ITGB1: variants seen among roughly 807,000 people sequenced by gnomAD.
The protein encoded by ITGB1 is integrin beta-1.
ITGB1 carries 24 observed loss-of-function variants against 86.5 expected under a neutral mutation model. That is an observed-to-expected ratio of 0.28 (90% confidence interval 0.20 to 0.39). The LOEUF (loss-of-function observed/expected upper bound fraction) is 0.39, where lower values mean the gene tolerates loss of function less well. Among genes scored for constraint, ITGB1 ranks in the 10% least tolerant of loss-of-function variants. The pLI, the probability that ITGB1 is intolerant of heterozygous loss-of-function variation, is 1.00. For missense variants in ITGB1, 556 were observed against 946.9 expected (o/e 0.59, Z 5.42); for synonymous variants, 323 against 316.8 (o/e 1.02, Z -0.21).
At chr10:32,927,915 G>A (rs1357680840) in intron 5 of ITGB1, among the ~76,000 whole-genome samples, 179 bp downstream of exon 5, 1 of 152,200 alleles carries the variant, frequency 6.6e-6, no homozygotes, top group Non-Finnish European at 1.5e-5. Flanking sequence ...GGAACAAGGT[G>A]GCAGAAAAGA....
chr10:32,957,077 G>C (rs2095053833), intron 1 of ITGB1, among the ~76,000 whole-genome samples: 1 of 152,144 alleles, frequency 6.6e-6, no homozygotes, highest in Non-Finnish European at 1.5e-5. Flanking sequence ...AATCTCATTA[G>C]AGCGGTTCCA....
chr10:32,901,313 G>A lies in ITGB1; in HGVS notation c.*257C>T, dbSNP rs186026916. 946 of 371,720 alleles carry A rather than the reference G, an allele frequency of 2.5e-3. 1 individual carries two copies. Among genetic ancestry groups the A allele is most frequent in the Non-Finnish European group, 3.6e-3 (742 of 205,984 alleles). The allele number at this position is 371,720 out of a possible 1,614,324, so 23.0% of individuals were successfully genotyped here. A position where few individuals can be genotyped will look rare whatever the true frequency, so the allele number is the denominator to read the frequency against. The stretch of plus-strand genomic sequence containing the variant: ...AATAAGCTTGATTTCAATAGTCCAG[G>A]AAGAAAAGGTCAAAAAGGCACAATG... On this transcript the variant is annotated 3_prime_UTR_variant, in exon 16 of 16. Coordinates refer to ENST00000302278, the MANE Select transcript of ITGB1 (RefSeq NM_002211.4).
At chr10:32,905,873 G>C (rs894582244) in intron 15 of ITGB1, among the ~76,000 whole-genome samples, 5 of 152,184 alleles carry the variant, frequency 3.3e-5, no homozygotes, top group Non-Finnish European at 5.9e-5. Context: ...AGTTGGGAAA[G>C]AGAAGAAGAG....
Position 32,929,328 on chromosome 10 carries a change from G to A in ITGB1, c.376+494C>T, listed in dbSNP as rs1282508860. Among the ~76,000 whole-genome samples, 3 of 152,170 alleles carry A rather than the reference G, an allele frequency of 2.0e-5. No homozygotes were observed. In the East Asian group the frequency reaches 5.8e-4, roughly 29 times the overall value. On this transcript the variant is annotated intron_variant, in intron 4 of 15. Transcript: ENST00000302278. ...GGAGGGGCCGGGAGGGAAGTCAGGG[G>A]ACAGGGCCACTCTACCATTCTCCTG...
At chr10:32,935,735 C>T (rs2094999442) in intron 1 of ITGB1, among the ~76,000 whole-genome samples, 177 bp from the exon 2 acceptor site, 1 of 152,126 alleles carries the variant, frequency 6.6e-6, no homozygotes, top group Non-Finnish European at 1.5e-5. Context: ...CTATCTGGTT[C>T]CCTCACCTTG....
intron 11 of ITGB1, among the ~76,000 whole-genome samples, chr10:32,917,329 A>T (rs1029207746): frequency 9.8e-5 from 15 of 152,378 alleles, no homozygotes; most frequent in African/African-American, 3.6e-4. Context: ...AACAAAAGCC[A>T]AAATTGACAA....
At chr10:32,915,862 G>A (rs1435985758) in intron 11 of ITGB1, among the ~76,000 whole-genome samples, 5 of 151,884 alleles carry the variant, frequency 3.3e-5, no homozygotes, top group African/African-American at 1.2e-4. Flanking sequence ...ACACAACAAA[G>A]AAAGAGAATT....
At chr10:32,951,384 T>TAA (rs937798999) in intron 1 of ITGB1, among the ~76,000 whole-genome samples, 3 of 151,512 alleles carry the variant, frequency 2.0e-5, no homozygotes, top group Admixed American at 2.0e-4. Context: ...GGTGATCTCA[T>TAA]AAACAGACAA....
chr10:32,913,730 G>A (rs2094921756), intron 11 of ITGB1, among the ~76,000 whole-genome samples: 1 of 152,190 alleles, frequency 6.6e-6, no homozygotes, highest in Non-Finnish European at 1.5e-5. Flanking sequence ...GAACCAAGTT[G>A]GAAAACATTT....
Position 32,929,862 on chromosome 10 carries a change from A to G in ITGB1, c.336T>C (p.Thr112=). 1 of 1,613,254 alleles carries G rather than the reference A, an allele frequency of 6.2e-7. No individual in the cohort carries two copies. Among genetic ancestry groups the G allele is most frequent in the Non-Finnish European group, 8.5e-7 (1 of 1,179,220 alleles). Residue 112 remains threonine, a synonymous_variant, in exon 4 of 16, where the codon ACT becomes ACC. Coordinates refer to ENST00000302278, the MANE Select transcript of ITGB1 (RefSeq NM_002211.4). ...AAACCAACTGCTGTGGTTGGATCTGAGTAATATCCTCTGGCTTGAGCTTCT... is the reference window on the plus strand; with the variant it reads ...AAACCAACTGCTGTGGTTGGATCTGGGTAATATCCTCTGGCTTGAGCTTCT... ...TAEKLKPEDI[T]QIQPQQLVLR...
rs765599108 is a variant in ITGB1 at position 32,911,849 on chromosome 10, G to T, written c.1708+37C>A. 1.9e-6 allele frequency: 3 copies of T among 1,548,650 alleles called. No individual in the cohort carries two copies. The East Asian group carries it at 6.7e-5, about 35-fold the overall frequency. On this transcript the variant is annotated intron_variant, in intron 12 of 15. Coordinates refer to ENST00000302278, the MANE Select transcript of ITGB1 (RefSeq NM_002211.4). ...CAAGATTTTTCGTGGCATTAGATGG[G>T]ATCACATCTTACAACCACTTCAGGC...
At position 32,920,477 on chromosome 10, in the gene ITGB1, T is replaced by G. The variant is rs930744286; in HGVS notation, c.1129-92A>C. 2.6e-6 allele frequency: 3 copies of G among 1,161,516 alleles called. No homozygotes were observed. The African/African-American group carries it at 4.6e-5, about 18-fold the overall frequency. The allele number at this position is 1,161,516 out of a possible 1,614,324, so 72.0% of individuals were successfully genotyped here. The stretch of plus-strand genomic sequence containing the variant: ...TGGATAAACTGCTCAGAAAAAAATA[T>G]ATTTCAATAAAGTATCTACAAGCCA... On this transcript the variant is annotated intron_variant, in intron 9 of 15. Coordinates refer to ENST00000302278, the MANE Select transcript of ITGB1 (RefSeq NM_002211.4).
At chr10:32,949,231 G>GA (rs2095038046) in intron 1 of ITGB1, among the ~76,000 whole-genome samples, 1 of 152,098 alleles carries the variant, frequency 6.6e-6, no homozygotes, top group South Asian at 2.1e-4. Flanking sequence ...TACAGATGAG[G>GA]AAACAAAACC....
Position 32,910,213 on chromosome 10 carries a change from G to C in ITGB1, c.2164+10C>G, listed in dbSNP as rs377104007. ...TATGAAAAGAATGTCTGCAATCATC[G>C]CATTTCTACCTGGATTCTCCACAAC... On this transcript the variant is annotated intron_variant, in intron 14 of 15. Transcript: ENST00000302278. 1.9e-6 allele frequency: 3 copies of C among 1,577,946 alleles called. No individual in the cohort carries two copies. The highest frequency in any genetic ancestry group is 8.7e-7 in the Non-Finnish European group (1 of 1,147,772).
chr10:32,912,614 G>A (rs2488322), intron 11 of ITGB1, among the ~76,000 whole-genome samples: 91,154 of 152,146 alleles, frequency 0.6, 31,170 homozygotes, highest in Non-Finnish European at 0.76. Flanking sequence ...GAGGCCGAGG[G>A]AGGGGTATCC....
chr10:32,911,252 GAC>G (rs2094912357), intron 13 of ITGB1, among the ~76,000 whole-genome samples, 194 bp downstream of exon 13: 1 of 152,114 alleles, frequency 6.6e-6, no homozygotes, highest in Non-Finnish European at 1.5e-5. Context: ...ACTCTCACAT[GAC>G]ACACTTCATA....
rs752504227 is a variant in ITGB1, at chr10:32,919,853, GC to G, written c.1469+31del. The stretch of plus-strand genomic sequence containing the variant: ...TGCCTATACTCTCTAAACCAATGTA[GC>G]TCTGTCACTGTCTGACAACACCCAG... On this transcript the variant is annotated intron_variant, in intron 11 of 15. Transcript: ENST00000302278. The G allele has an allele frequency of 1.9e-6, 3 of 1,586,218 alleles. No homozygotes were observed. In the Admixed American group the frequency reaches 5.0e-5, roughly 26 times the overall value.
intron 1 of ITGB1, 113 bp from the exon 2 acceptor site, chr10:32,935,671 C>G: frequency 1.3e-6 from 1 of 750,192 alleles, no homozygotes; most frequent in Non-Finnish European, 2.2e-6. Flanking sequence ...CATGATGGCT[C>G]TCAAACCATT....
intron 1 of ITGB1, among the ~76,000 whole-genome samples, chr10:32,946,541 C>T (rs889926845): frequency 6.6e-6 from 1 of 152,128 alleles, no homozygotes. Flanking sequence ...TGCTGATGTA[C>T]TGTGACCTGG....
Sources: gnomAD v4.1 joint callset for allele counts (sites outside exome capture counted in the v4.1 genomes callset) on GRCh38, gnomAD v4.1.1 for gene constraint, MANE v1.5 for transcripts, NCBI Gene and HGNC (gene_info 2026-07-23, HGNC 2026-07-21) for gene names.